Variants in ZNF722 observed in about 807,000 individuals in gnomAD.
The protein encoded by ZNF722 is zinc finger protein 479 pseudogene.
At chr7:64,008,698 T>C in the ZNF722 span, among the ~76,000 whole-genome samples, 1 of 152,318 alleles carries the variant, frequency 6.6e-6, no homozygotes, top group East Asian at 1.9e-4. Flanking sequence ...GCTTTGTTCT[T>C]TTGGCTTAGT....
chr7:64,013,603 AT>A, the ZNF722 span, among the ~76,000 whole-genome samples: 2 of 151,518 alleles, frequency 1.3e-5, no homozygotes, highest in African/African-American at 4.8e-5. Context: ...CTAATTGTAT[AT>A]TTTTATGTTT....
the ZNF722 span, among the ~76,000 whole-genome samples, chr7:64,007,857 C>T: frequency 6.6e-6 from 1 of 152,184 alleles, no homozygotes; most frequent in Non-Finnish European, 1.5e-5. Flanking sequence ...ACAGTCCCAC[C>T]AACAGTGTAA....
At chr7:64,004,425 A>AT in the ZNF722 span, among the ~76,000 whole-genome samples, 277 of 61,090 alleles carry the variant, frequency 4.5e-3, 4 homozygotes, top group Admixed American at 0.018. Context: ...AAAAAAAAAA[A>AT]ATATATATAT....
the ZNF722 span, among the ~76,000 whole-genome samples, chr7:64,004,410 TAAAAA>T: frequency 2.8e-5 from 1 of 35,256 alleles, no homozygotes; most frequent in African/African-American, 1.2e-4. Flanking sequence ...CTCTGTCTCT[TAAAAA>T]AAAAAAAAAA....
chr7:64,016,440 A>T, the ZNF722 span, among the ~76,000 whole-genome samples: 3 of 143,102 alleles, frequency 2.1e-5, no homozygotes, highest in African/African-American at 8.0e-5. Context: ...TAGAAAGGTT[A>T]AAAAAAAAAA....
chr7:64,014,297 C>T, the ZNF722 span, among the ~76,000 whole-genome samples: 11,280 of 151,706 alleles, frequency 0.074, 609 homozygotes, highest in African/African-American at 0.14. Context: ...GAGCAAAATA[C>T]GGATTATCTT....
At chr7:63,999,016 G>C in the ZNF722 span, 1 of 1,576,728 alleles carries the variant, frequency 6.3e-7, no homozygotes, top group South Asian at 1.1e-5. Context: ...TGCTGGGTCT[G>C]TCATCGTGAG....
the ZNF722 span, among the ~76,000 whole-genome samples, chr7:64,010,033 G>A: frequency 1.3e-5 from 2 of 152,086 alleles, no homozygotes; most frequent in Admixed American, 6.6e-5. Context: ...TTTGTGTAGA[G>A]GTGTTTATAG....
At chr7:64,015,735 C>A in the ZNF722 span, 3 of 1,613,668 alleles carry the variant, frequency 1.9e-6, no homozygotes, top group Non-Finnish European at 2.5e-6. Context: ...TGGAGAGAAA[C>A]CCTACACATG....
chr7:64,006,295 A>G, the ZNF722 span: 11 of 1,306,554 alleles, frequency 8.4e-6, no homozygotes, highest in Admixed American at 1.2e-4. Context: ...TATAAAGAGA[A>G]ATGAGATGGT....
chr7:64,017,634 T>C, the ZNF722 span, among the ~76,000 whole-genome samples: 1 of 152,186 alleles, frequency 6.6e-6, no homozygotes, highest in African/African-American at 2.4e-5. Flanking sequence ...ATGTAATGAA[T>C]GTGAAAAAAC....
At chr7:64,005,754 A>G in the ZNF722 span, 6 of 1,519,426 alleles carry the variant, frequency 3.9e-6, no homozygotes, top group East Asian at 4.5e-5. Context: ...GAAAACTTCA[A>G]TACACAATTC....
the ZNF722 span, among the ~76,000 whole-genome samples, chr7:63,999,528 C>T: frequency 6.6e-6 from 1 of 152,006 alleles, no homozygotes; most frequent in African/African-American, 2.4e-5. Context: ...TTATAAGTTG[C>T]GTGATGAAGG....
At chr7:64,013,447 AT>A in the ZNF722 span, among the ~76,000 whole-genome samples, 1 of 151,824 alleles carries the variant, frequency 6.6e-6, no homozygotes, top group Non-Finnish European at 1.5e-5. Context: ...GTCTATAAAG[AT>A]TTTTTTCTTT....
chr7:64,002,441 C>T, the ZNF722 span, among the ~76,000 whole-genome samples: 2 of 152,094 alleles, frequency 1.3e-5, no homozygotes, highest in East Asian at 3.8e-4. Flanking sequence ...TTTTTTGTGT[C>T]TGCCTTAATT....
At chr7:64,005,612 A>G in the ZNF722 span, 8 of 1,132,552 alleles carry the variant, frequency 7.1e-6, no homozygotes, top group Non-Finnish European at 9.3e-6. Flanking sequence ...TTTTTTTCAG[A>G]GACTGTTGAC....
At chr7:64,007,516 T>A in the ZNF722 span, among the ~76,000 whole-genome samples, 5 of 152,068 alleles carry the variant, frequency 3.3e-5, no homozygotes, top group African/African-American at 1.2e-4. Flanking sequence ...CTTGTGATAG[T>A]TTGCTCAGAA....
the ZNF722 span, among the ~76,000 whole-genome samples, chr7:64,014,603 C>G: frequency 6.6e-6 from 1 of 152,182 alleles, no homozygotes; most frequent in Non-Finnish European, 1.5e-5. Context: ...CTTCATATTT[C>G]TTATTACTGG....
chr7:64,009,490 A>G, the ZNF722 span, among the ~76,000 whole-genome samples: 4 of 152,162 alleles, frequency 2.6e-5, no homozygotes, highest in African/African-American at 9.7e-5. Context: ...TTCTGCATCT[A>G]TTGAGATAAT....
Sources: allele counts gnomAD v4.1 joint callset (sites outside exome capture counted in the v4.1 genomes callset), GRCh38; gene constraint gnomAD v4.1.1; transcripts MANE v1.5; gene names NCBI Gene and HGNC (gene_info 2026-07-23, HGNC 2026-07-21).